The following SRGAP2B variants were observed in gnomAD, a reference collection of about 807,000 sequenced individuals.
SRGAP2B encodes the protein SLIT-ROBO Rho GTPase activating protein 2B, also known as SLIT-ROBO Rho GTPase-activating protein 2B.
In SRGAP2B, 9 loss-of-function variants were observed where a neutral mutation model predicts 22.2. That is an observed-to-expected ratio of 0.41 (90% CI 0.24 to 0.71). SRGAP2B has a LOEUF of 0.71. SRGAP2B is among the 30% of genes least tolerant of loss of function. The pLI is 0.35. For synonymous variants in SRGAP2B, 36 were observed against 87.4 expected (o/e 0.41, Z 3.28); for missense variants, 114 against 235.8 (o/e 0.48, Z 3.38).
At position 144,969,664 on chromosome 1, in the gene SRGAP2B, A is replaced by C. The variant is rs1668352884; in HGVS notation, c.261-14063T>G. On this transcript the variant is annotated intron_variant, in intron 3 of 9. Coordinates refer to ENST00000612199, the Ensembl canonical transcript of SRGAP2B. ...CAAATGGGATCTCATAAAACTAAAG[A>C]GCTTCTGCACAGCAAAAGAAACTAC... Among the ~76,000 whole-genome samples, 2 of 150,492 alleles carry C rather than the reference A, an allele frequency of 1.3e-5. 1 individual carries two copies. Among genetic ancestry groups the C allele is most frequent in the South Asian group, 4.2e-4 (2 of 4,812 alleles).
chr1:144,976,040 AT>A (rs1397638642), intron 3 of SRGAP2B, among the ~76,000 whole-genome samples: 128 of 142,208 alleles, frequency 9.0e-4, no homozygotes, highest in Non-Finnish European at 7.7e-4. Context: ...TGCCCGGCTA[AT>A]TTTTTTTTTT....
chr1:144,966,040 G>T (rs1258025900), intron 3 of SRGAP2B, among the ~76,000 whole-genome samples: 2 of 150,586 alleles, frequency 1.3e-5, no homozygotes, highest in Non-Finnish European at 2.9e-5. Context: ...GTGAGGCGGA[G>T]AATGGAACCA....
At chr1:144,977,769 T>C (rs1669003074) in intron 3 of SRGAP2B, among the ~76,000 whole-genome samples, 1 of 150,410 alleles carries the variant, frequency 6.6e-6, no homozygotes, top group African/African-American at 2.5e-5. Context: ...AAGTCTAACA[T>C]TATGGCAAAA....
At chr1:144,984,571 AG>A (rs1309946429) in intron 3 of SRGAP2B, among the ~76,000 whole-genome samples, 15 of 150,282 alleles carry the variant, frequency 1.0e-4, no homozygotes, top group African/African-American at 3.8e-4. Flanking sequence ...TGTAAGCTCT[AG>A]GAGTACAGGG....
intron 4 of SRGAP2B, among the ~76,000 whole-genome samples, chr1:144,922,656 G>T (rs1664338822): frequency 6.6e-6 from 1 of 150,470 alleles, no homozygotes; most frequent in Non-Finnish European, 1.5e-5. Flanking sequence ...TATTCCTCCA[G>T]ATAGATTAAA....
At position 144,952,831 on chromosome 1, in the gene SRGAP2B, G is replaced by T. The variant is rs587662753; in HGVS notation, c.423+2608C>A. Among the ~76,000 whole-genome samples, 18 of 150,702 alleles carry T rather than the reference G, an allele frequency of 1.2e-4. No homozygotes were observed. In the South Asian group the frequency reaches 3.5e-3, roughly 30 times the overall value. ...ACTTTTAAAATTTTTTTAGAGACAA[G>T]GTCTTGTTATGTTGTCCAGGTTGTT... On this transcript the variant is annotated intron_variant, in intron 4 of 9. Transcript: ENST00000612199.
intron 4 of SRGAP2B, among the ~76,000 whole-genome samples, chr1:144,951,099 T>G (rs1666818237): frequency 1.3e-5 from 2 of 150,960 alleles, no homozygotes; most frequent in African/African-American, 2.5e-5. Context: ...CTGCCCACCT[T>G]GGCCTCCCAA....
Position 145,045,556 on chromosome 1 carries a change from TA to T in SRGAP2B, c.67+47278del. On this transcript the variant is annotated intron_variant, in intron 2 of 9. Transcript: ENST00000612199. ...GGCCTGAACTCTCTTTCACAAAGGC[TA>T]GCAAAGAAGTATGCACAGGTTAAGG... Among the ~76,000 whole-genome samples the T allele has an allele frequency of 2.7e-5, 2 of 73,866 alleles. 1 individual carries two copies. The allele number at this position is 73,866 out of a possible 152,430, so 48.5% of individuals were successfully genotyped here. A position where few individuals can be genotyped will look rare whatever the true frequency, so the allele number is the denominator to read the frequency against.
At chr1:144,985,532 A>G (rs1169796099) in intron 3 of SRGAP2B, among the ~76,000 whole-genome samples, 8 of 151,398 alleles carry the variant, frequency 5.3e-5, no homozygotes, top group Non-Finnish European at 1.0e-4. Context: ...CAGCCAATGC[A>G]TTATCAATTA....
At chr1:144,921,050 G>C (rs1466949053) in intron 4 of SRGAP2B, among the ~76,000 whole-genome samples, 3 of 148,888 alleles carry the variant, frequency 2.0e-5, no homozygotes, top group African/African-American at 5.1e-5. Context: ...ATGCAAAACA[G>C]AAAGTTTAAA....
At chr1:145,080,457 T>TG (rs1319156090) in intron 2 of SRGAP2B, among the ~76,000 whole-genome samples, 6 of 145,864 alleles carry the variant, frequency 4.1e-5, no homozygotes, top group African/African-American at 1.6e-4. Context: ...TGGCAAGTTC[T>TG]GGGGGTGGAA....
intron 4 of SRGAP2B, among the ~76,000 whole-genome samples, chr1:144,924,582 G>A (rs1664510561): frequency 6.6e-6 from 1 of 151,270 alleles, no homozygotes; most frequent in Non-Finnish European, 1.5e-5. Context: ...CAAAAAAAAA[G>A]TTAGCCGGGC....
At chr1:144,897,089 G>C in intron 8 of SRGAP2B, 27 bp downstream of exon 8, 1 of 47,574 alleles carries the variant, frequency 2.1e-5, no homozygotes, top group Non-Finnish European at 3.6e-5. Flanking sequence ...GCCCCTTGAG[G>C]GTGGGGGTAT....
At chr1:144,912,370 G>GAGTGTA (rs1456794808) in intron 5 of SRGAP2B, among the ~76,000 whole-genome samples, 7 of 150,308 alleles carry the variant, frequency 4.7e-5, no homozygotes, top group Admixed American at 1.3e-4. Context: ...CCAGTGCATG[G>GAGTGTA]AGTGTATGCA....
At chr1:144,920,419 T>C (rs1285583818) in intron 4 of SRGAP2B, among the ~76,000 whole-genome samples, 2 of 150,628 alleles carry the variant, frequency 1.3e-5, no homozygotes, top group Admixed American at 1.3e-4. Context: ...ACGACAGATG[T>C]GTACAAACAC....
chr1:145,006,773 CCATT>C (rs1355003539), intron 2 of SRGAP2B, among the ~76,000 whole-genome samples: 2 of 150,622 alleles, frequency 1.3e-5, no homozygotes, highest in Non-Finnish European at 2.9e-5. Flanking sequence ...ATCACATATC[CCATT>C]CATTAAGTGC....
At chr1:145,089,621 AG>A (rs1333933150) in intron 2 of SRGAP2B, among the ~76,000 whole-genome samples, 1 of 144,116 alleles carries the variant, frequency 6.9e-6, no homozygotes, top group African/African-American at 2.6e-5. Flanking sequence ...GTTCACTGAC[AG>A]AAAAAGAAAC....
chr1:145,003,142 C>T (rs1336134531), intron 2 of SRGAP2B, among the ~76,000 whole-genome samples: 42 of 143,886 alleles, frequency 2.9e-4, no homozygotes, highest in African/African-American at 8.8e-4. Flanking sequence ...GCAGGAGAAT[C>T]GCTTGAACCC....
At chr1:144,943,225 T>C (rs1229531117) in intron 4 of SRGAP2B, among the ~76,000 whole-genome samples, 2 of 137,716 alleles carry the variant, frequency 1.5e-5, no homozygotes, top group Admixed American at 7.4e-5. Context: ...AAAATAATAC[T>C]AGATTAAAGT....
Sources: allele counts gnomAD v4.1 joint callset (sites outside exome capture counted in the v4.1 genomes callset), GRCh38; gene constraint gnomAD v4.1.1; transcripts MANE v1.5; gene names NCBI Gene and HGNC (gene_info 2026-07-23, HGNC 2026-07-21).